The following NRG2 variants were observed in gnomAD, a reference collection of about 807,000 sequenced individuals.
NRG2 encodes pro-neuregulin-2, membrane-bound isoform.
NRG2 carries 27 observed loss-of-function variants against 73.9 expected under a neutral mutation model. That is an observed-to-expected ratio of 0.37 (90% CI 0.27 to 0.50). NRG2 has a LOEUF of 0.50. NRG2 is among the 20% of genes least tolerant of loss of function. The pLI, the probability that NRG2 is intolerant of heterozygous loss-of-function variation, is 0.96. For synonymous variants in NRG2, 532 were observed against 541.0 expected, an observed-to-expected ratio of 0.98 and a Z score of 0.23; for missense variants, 1,126 against 1,210.1, an observed-to-expected ratio of 0.93 and a Z score of 1.03.
In NRG2 at chr5:139,863,536, G is replaced by A. The variant is rs527875692; in HGVS notation, c.1189+2013C>T. 2.6e-5 allele frequency among the ~76,000 whole-genome samples: 4 copies of A among 152,342 alleles called. No homozygotes were observed. In the South Asian group the frequency reaches 8.3e-4, roughly 32 times the overall value. ...GGCCTTGGATAGCGGCCCGGTTCCGGAGGCTCTGCTGCTCTGATTCAGGAC... is the reference window on the plus strand; with the variant it reads ...GGCCTTGGATAGCGGCCCGGTTCCGAAGGCTCTGCTGCTCTGATTCAGGAC... On this transcript the variant is annotated intron_variant, in intron 5 of 9. Transcript: ENST00000361474.
intron 1 of NRG2, among the ~76,000 whole-genome samples, chr5:140,025,345 C>T (rs138685163): frequency 1.0e-3 from 154 of 152,222 alleles, no homozygotes; most frequent in Non-Finnish European, 1.9e-3. Flanking sequence ...AAATAAGCCT[C>T]GATTCTGAAC....
chr5:139,975,019 T>C (rs1344557050), intron 1 of NRG2, among the ~76,000 whole-genome samples: 1 of 152,038 alleles, frequency 6.6e-6, no homozygotes, highest in African/African-American at 2.4e-5. Flanking sequence ...GGAGAAGAGG[T>C]TTCTTGAATG....
intron 9 of NRG2, 62 bp from the exon 10 acceptor site, chr5:139,848,759 TTGGGGGTGGGGTAGGGTGGGA>T: frequency 7.4e-5 from 4 of 54,312 alleles, no homozygotes; most frequent in Non-Finnish European, 9.9e-5. Context: ...GGAGGGGGGG[TTGGGGGTGGGGTAGGGTGGGA>T]GGGGCGGACC....
chr5:139,935,582 A>G (rs1413914609), intron 1 of NRG2, among the ~76,000 whole-genome samples: 2 of 152,234 alleles, frequency 1.3e-5, no homozygotes, highest in Non-Finnish European at 2.9e-5. Flanking sequence ...GCACCCAAAT[A>G]CTTACATATT....
intron 1 of NRG2, among the ~76,000 whole-genome samples, chr5:139,976,095 C>T (rs536882893): frequency 1.3e-5 from 2 of 152,302 alleles, no homozygotes; most frequent in East Asian, 3.9e-4. Context: ...GGCTGAGAGA[C>T]TTGTCCAAGG....
intron 1 of NRG2, among the ~76,000 whole-genome samples, chr5:140,036,708 A>G (rs1386889906): frequency 6.6e-6 from 1 of 152,206 alleles, no homozygotes; most frequent in Non-Finnish European, 1.5e-5. Flanking sequence ...TCCCCACACC[A>G]TATACACCCA....
intron 1 of NRG2, among the ~76,000 whole-genome samples, chr5:139,917,434 T>C (rs1751341051): frequency 1.3e-5 from 2 of 152,146 alleles, no homozygotes; most frequent in African/African-American, 4.8e-5. Flanking sequence ...GTATTTTTTG[T>C]AGAGACAGGG....
rs558520504 is a variant in NRG2 at position 140,015,994 on chromosome 5, G to A, written c.700+26376C>T. 1.7e-4 allele frequency among the ~76,000 whole-genome samples: 26 copies of A among 152,294 alleles called. No homozygotes were observed. In the South Asian group the frequency reaches 5.4e-3, roughly 32 times the overall value. On this transcript the variant is annotated intron_variant, in intron 1 of 9. Coordinates refer to ENST00000361474, the MANE Select transcript of NRG2 (RefSeq NM_004883.3). ...AATAGGTATGGCTGGCATTGGCTCA[G>A]ACACCTTTGTAGCCCATCATTCATT... is the stretch of plus-strand genomic sequence containing the variant.
intron 1 of NRG2, among the ~76,000 whole-genome samples, chr5:139,948,332 A>G (rs1753949508): frequency 6.6e-6 from 1 of 152,196 alleles, no homozygotes; most frequent in Admixed American, 6.5e-5. Context: ...TGGCTCCCAC[A>G]TACCAACCTT....
chr5:139,848,295 C>T lies in NRG2; in HGVS notation c.2175G>A (p.Pro725=). The part of the protein sequence containing the change: ...TTQECAPPPP[P]RPRARGASRR... ...GGGACGCACCGCGCGCGCGCGGCCG[C>T]GGCGGCGGCGGGGGCGCGCACTCCT... Residue 725 remains proline, a synonymous_variant, in exon 10 of 10, where the codon CCG becomes CCA. Transcript: ENST00000361474. 1 of 1,133,508 alleles carries T rather than the reference C, an allele frequency of 8.8e-7. No individual in the cohort carries two copies. The highest frequency in any genetic ancestry group is 1.1e-6 in the Non-Finnish European group (1 of 925,540). 70.2% of individuals were successfully genotyped at this position (1,133,508 alleles called of 1,614,324 possible). A position where few individuals can be genotyped will look rare whatever the true frequency, so the allele number is the denominator to read the frequency against.
intron 1 of NRG2, among the ~76,000 whole-genome samples, chr5:139,930,993 T>A (rs1417227929): frequency 6.6e-6 from 1 of 152,220 alleles, no homozygotes; most frequent in East Asian, 1.9e-4. Flanking sequence ...CACATGAGCT[T>A]TGAGTGAGAT....
At chr5:139,892,056 G>T (rs1385700750) in intron 1 of NRG2, among the ~76,000 whole-genome samples, 2 of 152,212 alleles carry the variant, frequency 1.3e-5, no homozygotes, top group Non-Finnish European at 2.9e-5. Context: ...GCAAGTCCTG[G>T]TCTTTGCTCA....
chr5:139,848,595 C>G lies in NRG2; in HGVS notation c.1875G>C (p.Ser625=). The G allele has an allele frequency of 3.8e-6, 6 of 1,569,246 alleles. No homozygotes were observed. The highest frequency in any genetic ancestry group is 3.4e-6 in the Non-Finnish European group (4 of 1,168,002). Residue 625 remains serine (S), a synonymous_variant, in exon 10 of 10, where the codon TCG becomes TCC. Coordinates refer to ENST00000361474, the MANE Select transcript of NRG2 (RefSeq NM_004883.3). ...CCGGCGGCAGCGACACGGCGTGCGCCGAGTTGGGGGACGTGATCTCGAAAG... is the reference window on the plus strand; with the variant it reads ...CCGGCGGCAGCGACACGGCGTGCGCGGAGTTGGGGGACGTGATCTCGAAAG... The part of the protein sequence containing the change: ...VPTFEITSPN[S]AHAVSLPPAA...
chr5:139,945,696 T>C (rs912171381), intron 1 of NRG2, among the ~76,000 whole-genome samples: 1 of 151,996 alleles, frequency 6.6e-6, no homozygotes, highest in Non-Finnish European at 1.5e-5. Context: ...TAATCTTATA[T>C]ATAGAAATAC....
intron 1 of NRG2, among the ~76,000 whole-genome samples, chr5:140,001,989 C>T (rs1758522434): frequency 6.6e-6 from 1 of 151,996 alleles, no homozygotes; most frequent in African/African-American, 2.4e-5. Flanking sequence ...TTGAGACCAG[C>T]CTGGGCAACA....
chr5:139,847,857 G>T lies in NRG2; in HGVS notation c.*60C>A. 2 of 990,990 alleles carry T rather than the reference G, an allele frequency of 2.0e-6. No individual in the cohort carries two copies. Among genetic ancestry groups the T allele is most frequent in the Non-Finnish European group, 2.7e-6 (2 of 748,746 alleles). 61.4% of individuals were successfully genotyped at this position (990,990 alleles called of 1,614,324 possible). ...TTTTCCTCCTTTCTCTCCAGTAGGC[G>T]GTCTCTGGTCTCCTTAAAGATAGTG... On this transcript the variant is annotated 3_prime_UTR_variant, in exon 10 of 10. Transcript: ENST00000361474.
chr5:139,917,338 A>G (rs1366072556), intron 1 of NRG2, among the ~76,000 whole-genome samples: 1 of 151,922 alleles, frequency 6.6e-6, no homozygotes, highest in African/African-American at 2.4e-5. Flanking sequence ...TGCAGCCTTG[A>G]CCTCCCGGGC....
chr5:139,889,764 C>G (rs1225363383), intron 1 of NRG2, among the ~76,000 whole-genome samples: 2 of 152,142 alleles, frequency 1.3e-5, no homozygotes, highest in African/African-American at 2.4e-5. Context: ...GTCTGGCTTT[C>G]AATCCAGACT....
At chr5:139,976,174 C>T (rs989003572) in intron 1 of NRG2, among the ~76,000 whole-genome samples, 2 of 152,298 alleles carry the variant, frequency 1.3e-5, no homozygotes, top group East Asian at 3.9e-4. Context: ...TACTCTGGGA[C>T]ACTCTCGACA....
Sources: allele counts gnomAD v4.1 joint callset (sites outside exome capture counted in the v4.1 genomes callset), GRCh38; gene constraint gnomAD v4.1.1; transcripts MANE v1.5; gene names NCBI Gene and HGNC (gene_info 2026-07-23, HGNC 2026-07-21).